GYPC: variants seen among roughly 807,000 people sequenced by gnomAD.
GYPC encodes glycophorin-C.
GYPC carries 14 observed loss-of-function variants against 12.6 expected under a neutral mutation model. The observed-to-expected ratio is 1.11, with a 90% CI of 0.74 to 1.74. The LOEUF (loss-of-function observed/expected upper bound fraction) is 1.74. Ranked by LOEUF, GYPC falls within the 40% of genes most tolerant of loss-of-function variation. The pLI is 0.00. For synonymous variants in GYPC, 78 were observed against 62.1 expected (o/e 1.26, Z -1.20); for missense variants, 225 against 172.1 (o/e 1.31, Z -1.72).
At chr2:126,681,978 G>T (rs189751050) in intron 1 of GYPC, among the ~76,000 whole-genome samples, 6 of 152,294 alleles carry the variant, frequency 3.9e-5, no homozygotes, top group Admixed American at 3.9e-4. Context: ...GTGACCCCAG[G>T]AGCATGGTGC....
At chr2:126,677,934 C>A (rs944640069) in intron 1 of GYPC, among the ~76,000 whole-genome samples, 3 of 152,214 alleles carry the variant, frequency 2.0e-5, no homozygotes, top group Admixed American at 6.5e-5. Flanking sequence ...GAAAATGTCC[C>A]CCATCGGCCG....
intron 3 of GYPC, 113 bp downstream of exon 3, chr2:126,694,060 C>G: frequency 1.3e-6 from 1 of 767,266 alleles, no homozygotes; most frequent in African/African-American, 1.7e-5. Flanking sequence ...GCCATTTTTT[C>G]TCTCCCTCAG....
chr2:126,660,446 T>A (rs1682505261), intron 1 of GYPC, among the ~76,000 whole-genome samples: 1 of 152,204 alleles, frequency 6.6e-6, no homozygotes, highest in African/African-American at 2.4e-5. Context: ...GCCGCGGGCC[T>A]GGCACACACT....
chr2:126,671,314 G>A (rs971985638), intron 1 of GYPC, among the ~76,000 whole-genome samples: 4 of 152,216 alleles, frequency 2.6e-5, no homozygotes, highest in South Asian at 2.1e-4. Flanking sequence ...GGCAGGTGCC[G>A]GAGGGAGAGC....
At chr2:126,665,107 C>G (rs1015103393) in intron 1 of GYPC, among the ~76,000 whole-genome samples, 15 of 152,150 alleles carry the variant, frequency 9.9e-5, no homozygotes, top group African/African-American at 3.6e-4. Flanking sequence ...ATTGCAGAAG[C>G]AATTCATGTT....
chr2:126,675,098 C>T (rs1167664690), intron 1 of GYPC, among the ~76,000 whole-genome samples: 7 of 152,086 alleles, frequency 4.6e-5, no homozygotes, highest in Admixed American at 4.6e-4. Context: ...GTGAGTGGCT[C>T]CTGCTGAGCA....
At chr2:126,656,480 C>T (rs1682360035) in intron 1 of GYPC, among the ~76,000 whole-genome samples, 168 bp downstream of exon 1, 1 of 152,182 alleles carries the variant, frequency 6.6e-6, no homozygotes, top group Non-Finnish European at 1.5e-5. Flanking sequence ...AGCCCCGGTT[C>T]CCCGGCGCCT....
chr2:126,681,778 C>CA (rs55636033), intron 1 of GYPC, among the ~76,000 whole-genome samples: 1,572 of 132,306 alleles, frequency 0.012, 22 homozygotes, highest in African/African-American at 0.041. Context: ...AAACTTCATC[C>CA]AAAAAAAAAA....
chr2:126,659,126 A>T, intron 1 of GYPC, among the ~76,000 whole-genome samples: 1 of 152,034 alleles, frequency 6.6e-6, no homozygotes, highest in East Asian at 1.9e-4. Context: ...CTCACACTGC[A>T]TTTTTTATCT....
intron 1 of GYPC, among the ~76,000 whole-genome samples, chr2:126,664,221 T>A (rs1335415559): frequency 6.6e-6 from 1 of 152,174 alleles, no homozygotes; most frequent in Admixed American, 6.5e-5. Context: ...TTTTTTTTCT[T>A]TGTCACTGAT....
At position 126,683,945 on chromosome 2, in the gene GYPC, T is replaced by C. The variant is rs569375457; in HGVS notation, c.50-6310T>C. Among the ~76,000 whole-genome samples the C allele has an allele frequency of 3.5e-4, 54 of 152,292 alleles. No homozygotes were observed. The Middle Eastern group carries it at 0.01, about 29-fold the overall frequency. ...GCCACATCTCCTCCCCCCTCACCTT[T>C]GCAGGCCTCTACACTTCCATCCAGA... On this transcript the variant is annotated intron_variant, in intron 1 of 3. Coordinates refer to ENST00000259254, the MANE Select transcript of GYPC (RefSeq NM_002101.5).
chr2:126,672,438 C>T (rs916841260), intron 1 of GYPC, among the ~76,000 whole-genome samples: 3 of 152,172 alleles, frequency 2.0e-5, no homozygotes, highest in Non-Finnish European at 4.4e-5. Context: ...CGCATACACA[C>T]ACAAACACAC....
chr2:126,679,261 G>A (rs1573568577), intron 1 of GYPC, among the ~76,000 whole-genome samples: 1 of 152,188 alleles, frequency 6.6e-6, no homozygotes, highest in Non-Finnish European at 1.5e-5. Flanking sequence ...GGCCCACACA[G>A]GCTCACATGC....
chr2:126,671,544 C>T (rs1324552788), intron 1 of GYPC, among the ~76,000 whole-genome samples: 2 of 152,194 alleles, frequency 1.3e-5, no homozygotes, highest in Non-Finnish European at 1.5e-5. Context: ...GATGGAGCCT[C>T]GGGGGTCAAT....
In GYPC at chr2:126,696,012, G is replaced by T. The variant is rs139816143; in HGVS notation, c.257G>T (p.Arg86Leu). The T allele has an allele frequency of 1.7e-5, 28 of 1,614,052 alleles. No individual in the cohort carries two copies. The highest frequency in any genetic ancestry group is 6.7e-5 in the East Asian group (3 of 44,868). ...TTCGTCATGCTGCGCTACATGTACC[G>T]GCACAAGGGCACGTACCACACCAAT... ...LLFVMLRYMY[R>L]HKGTYHTNEA... Residue 86 changes from arginine (R) to leucine (L), a missense_variant, in exon 4 of 4, where the codon CGG (arginine) becomes CTG (leucine). Arg to Leu is a moderately radical substitution (Grantham distance 102). Transcript: ENST00000259254.
rs745734035 is a variant in GYPC at position 126,696,063 on chromosome 2, A to T, written c.308A>T (p.Glu103Val). The T allele has an allele frequency of 1.1e-5, 17 of 1,614,022 alleles. No homozygotes were observed. In the Admixed American group the frequency reaches 2.8e-4, roughly 27 times the overall value. ...TNEAKGTEFA[E>V]SADAALQGDP... ...GAGGCCAAGGGCACGGAGTTTGCTGAGAGTGCAGATGCAGCCCTGCAGGGA... is the reference window on the plus strand; with the variant it reads ...GAGGCCAAGGGCACGGAGTTTGCTGTGAGTGCAGATGCAGCCCTGCAGGGA... The change falls in exon 4 of 4, where the codon GAG becomes GTG. Residue 103 changes from glutamate to valine, a missense_variant. Transcript: ENST00000259254.
chr2:126,680,597 G>A (rs1174037752), intron 1 of GYPC, among the ~76,000 whole-genome samples: 1 of 152,182 alleles, frequency 6.6e-6, no homozygotes, highest in Non-Finnish European at 1.5e-5. Flanking sequence ...TCCCTGAGAG[G>A]TCAGAACTTC....
At chr2:126,693,723 G>T in intron 2 of GYPC, 141 bp from the exon 3 acceptor site, 1 of 728,264 alleles carries the variant, frequency 1.4e-6, no homozygotes, top group Non-Finnish European at 2.6e-6. Flanking sequence ...AGGAGCAGTG[G>T]GTGCGCCGCA....
intron 1 of GYPC, chr2:126,686,667 G>T (rs1683300417): frequency 1.0e-6 from 1 of 985,240 alleles, no homozygotes; most frequent in Non-Finnish European, 1.2e-6. Context: ...CAGGGGGCCG[G>T]GGGGACCTTG....
Sources: allele counts gnomAD v4.1 joint callset (sites outside exome capture counted in the v4.1 genomes callset), GRCh38; gene constraint gnomAD v4.1.1; transcripts MANE v1.5; gene names NCBI Gene and HGNC (gene_info 2026-07-23, HGNC 2026-07-21).